The following LCE3E variants were observed in gnomAD, a reference collection of about 807,000 sequenced individuals.
The protein encoded by LCE3E is late cornified envelope protein 3E.
For synonymous variants in LCE3E, 40 were observed against 47.0 expected, an observed-to-expected ratio of 0.85 and a Z score of 0.61; for missense variants, 133 against 120.0, an observed-to-expected ratio of 1.11 and a Z score of -0.51.
chr1:152,566,477 G>A (rs1659926708), intron 1 of LCE3E, among the ~76,000 whole-genome samples: 1 of 152,034 alleles, frequency 6.6e-6, no homozygotes, highest in South Asian at 2.1e-4. Context: ...GAATTCTGTA[G>A]AATGGATGTT....
In LCE3E at chr1:152,565,676, C is replaced by CT; in HGVS notation, c.*253dup. The CT allele has an allele frequency of 1.8e-6, 1 of 571,402 alleles. No individual in the cohort carries two copies. The highest frequency in any genetic ancestry group is 3.1e-6 in the Non-Finnish European group (1 of 325,550). The allele number at this position is 571,402 out of a possible 1,614,324, so 35.4% of individuals were successfully genotyped here. A position where few individuals can be genotyped will look rare whatever the true frequency, so the allele number is the denominator to read the frequency against. On this transcript the variant is annotated 3_prime_UTR_variant, in exon 2 of 2. Coordinates refer to ENST00000368789, the MANE Select transcript of LCE3E (RefSeq NM_178435.4). Reference sequence around the variant, plus strand: ...TGGTAATGAGGACAAGGAACTTTATCTTTTTTACGAGGTTGGGCACAAGCA... The same window carrying CT: ...TGGTAATGAGGACAAGGAACTTTATCTTTTTTTACGAGGTTGGGCACAAGCA...
intron 1 of LCE3E, 123 bp from the exon 2 acceptor site, chr1:152,566,352 G>A (rs1659923126): frequency 9.9e-7 from 1 of 1,007,792 alleles, no homozygotes; most frequent in South Asian, 1.7e-5. Context: ...GGTGGGATAT[G>A]CCAGATACTT....
Position 152,565,654 on chromosome 1 carries a change from TA to T in LCE3E, c.*275del, listed in dbSNP as rs1409319858. ...GAAATGCCCAGTGGGACGCTGGTGG[TA>T]ATGAGGACAAGGAACTTTATCTTTT... On this transcript the variant is annotated 3_prime_UTR_variant, in exon 2 of 2. Transcript: ENST00000368789. 2.0e-6 allele frequency: 1 copy of T among 505,554 alleles called. No individual in the cohort carries two copies. Among genetic ancestry groups the T allele is most frequent in the East Asian group, 3.4e-5 (1 of 29,032 alleles). The allele number at this position is 505,554 out of a possible 1,614,324, so 31.3% of individuals were successfully genotyped here.
chr1:152,565,928 G>A lies in LCE3E; in HGVS notation c.*2C>T. 1 of 1,613,040 alleles carries A rather than the reference G, an allele frequency of 6.2e-7. No homozygotes were observed. The highest frequency in any genetic ancestry group is 1.7e-5 in the Admixed American group (1 of 59,436). ...TCGCTTGTCTCAGCATCAGGATCTG[G>A]ATCAGCAGCAGCCCCCAGAACCGTG... is the stretch of plus-strand genomic sequence containing the variant. On this transcript the variant is annotated 3_prime_UTR_variant, in exon 2 of 2. Transcript: ENST00000368789.
rs1471138030 is a variant in LCE3E at position 152,565,847 on chromosome 1, G to A, written c.*83C>T. On this transcript the variant is annotated 3_prime_UTR_variant, in exon 2 of 2. Transcript: ENST00000368789. ...AAGTCAGAAGAGGGTATATGGGAAG[G>A]CATGCGTCAGATGGGGCTGTTCTTG... 7 of 1,546,910 alleles carry A rather than the reference G, an allele frequency of 4.5e-6. No homozygotes were observed. Among genetic ancestry groups the A allele is most frequent in the African/African-American group, 2.7e-5 (2 of 73,130 alleles).
chr1:152,565,962 C>A lies in LCE3E; in HGVS notation c.247G>T (p.Gly83Cys), dbSNP rs753276595. The A allele has an allele frequency of 1.2e-6, 2 of 1,613,772 alleles. No homozygotes were observed. The highest frequency in any genetic ancestry group is 1.7e-6 in the Non-Finnish European group (2 of 1,180,004). Residue 83 changes from glycine to cysteine, a missense_variant, in exon 2 of 2, where the codon GGC becomes TGC. Physicochemically the swap from Gly to Cys is radical, Grantham distance 159. Transcript: ENST00000368789. ...CAGCCCCCAGAACCGTGGCAGCAGC[C>A]AGAGCCCCCGCCTTGCTGACCACTG... is the stretch of plus-strand genomic sequence containing the variant. ...RGSGQQGGGSGCCHGSGGCC is the reference protein window; with the variant it reads ...RGSGQQGGGSCCCHGSGGCC
At chr1:152,566,302 G>A in intron 1 of LCE3E, 73 bp from the exon 2 acceptor site, 1 of 1,453,656 alleles carries the variant, frequency 6.9e-7, no homozygotes, top group Non-Finnish European at 9.3e-7. Flanking sequence ...GCCTCCTGAG[G>A]CAAGAGCTGC....
Position 152,566,249 on chromosome 1 carries a change from T to A in LCE3E, c.-21-20A>T. 2 of 1,606,412 alleles carry A rather than the reference T, an allele frequency of 1.2e-6. No individual in the cohort carries two copies. Among genetic ancestry groups the A allele is most frequent in the Non-Finnish European group, 1.7e-6 (2 of 1,177,158 alleles). On this transcript the variant is annotated intron_variant, in intron 1 of 1. Coordinates refer to ENST00000368789, the MANE Select transcript of LCE3E (RefSeq NM_178435.4). ...GATGTCCTGGAGAAAACGAAGCCAC[T>A]TCTTAGTTCAAAATCTACAGTCCAA...
At chr1:152,566,614 G>A in intron 1 of LCE3E, 124 bp downstream of exon 1, 1 of 226,026 alleles carries the variant, frequency 4.4e-6, no homozygotes, top group Non-Finnish European at 8.7e-6. Flanking sequence ...CCCCATTGCT[G>A]CCCTCTCACA....
At chr1:152,566,342 G>A in intron 1 of LCE3E, 113 bp from the exon 2 acceptor site, 1 of 1,115,494 alleles carries the variant, frequency 9.0e-7, no homozygotes, top group South Asian at 1.6e-5. Flanking sequence ...ATGTGGAGCT[G>A]GTGGGATATG....
Position 152,565,842 on chromosome 1 carries a change from G to A in LCE3E, c.*88C>T. The A allele has an allele frequency of 1.3e-6, 2 of 1,541,932 alleles. No homozygotes were observed. Among genetic ancestry groups the A allele is most frequent in the Non-Finnish European group, 1.8e-6 (2 of 1,140,270 alleles). ...TGTGAAAGTCAGAAGAGGGTATATG[G>A]GAAGGCATGCGTCAGATGGGGCTGT... On this transcript the variant is annotated 3_prime_UTR_variant, in exon 2 of 2. Coordinates refer to ENST00000368789, the MANE Select transcript of LCE3E (RefSeq NM_178435.4).
At chr1:152,566,262 A>T in intron 1 of LCE3E, 33 bp from the exon 2 acceptor site, 1 of 1,598,972 alleles carries the variant, frequency 6.3e-7, no homozygotes, top group Non-Finnish European at 8.5e-7. Flanking sequence ...TTAGTTCAAA[A>T]TCTACAGTCC....
In LCE3E at chr1:152,565,819, T is replaced by C; in HGVS notation, c.*111A>G. The C allele has an allele frequency of 6.8e-7, 1 of 1,476,636 alleles. No individual in the cohort carries two copies. Among genetic ancestry groups the C allele is most frequent in the Non-Finnish European group, 9.1e-7 (1 of 1,096,098 alleles). 91.5% of individuals were successfully genotyped at this position (1,476,636 alleles called of 1,614,324 possible). A position where few individuals can be genotyped will look rare whatever the true frequency, so the allele number is the denominator to read the frequency against. ...ACAGGAAAACCTCCAGCTCAGCCTG[T>C]GAAAGTCAGAAGAGGGTATATGGGA... On this transcript the variant is annotated 3_prime_UTR_variant, in exon 2 of 2. Coordinates refer to ENST00000368789, the MANE Select transcript of LCE3E (RefSeq NM_178435.4).
Position 152,566,135 on chromosome 1 carries a change from T to C in LCE3E, c.74A>G (p.Asn25Ser), listed in dbSNP as rs201986198. 4.3e-4 allele frequency: 688 copies of C among 1,613,700 alleles called. 5 individuals are homozygous for C. In the East Asian group the frequency reaches 0.011, roughly 27 times the overall value. Residue 25 changes from asparagine to serine, a missense_variant, in exon 2 of 2, where the codon AAC becomes AGC. Coordinates refer to ENST00000368789, the MANE Select transcript of LCE3E (RefSeq NM_178435.4). The stretch of plus-strand genomic sequence containing the variant: ...AGCTGGAGGCAGACACTGTACTGGG[T>C]TCTTTGGGGGACACTTGGGTGAGGG... ...KCPSPKCPPK[N>S]PVQCLPPASS... is the part of the protein sequence containing the mutation.
chr1:152,566,064 C>A lies in LCE3E; in HGVS notation c.145G>T (p.Glu49Ter). 1 of 1,613,732 alleles carries A rather than the reference C, an allele frequency of 6.2e-7. No homozygotes were observed. Among genetic ancestry groups the A allele is most frequent in the African/African-American group, 1.3e-5 (1 of 75,006 alleles). Residue 49 changes from glutamate (E) to a stop codon, truncating the protein, a stop_gained, in exon 2 of 2, where the codon GAG (glutamate) becomes TAG (stop). Coordinates refer to ENST00000368789, the MANE Select transcript of LCE3E (RefSeq NM_178435.4). LOFTEE classifies it low-confidence loss of function (END_TRUNC). Reference protein sequence around the residue: ...PSSGGCGPSSEGGCFLNHHRR... With the variant: ...PSSGGCGPSS ...TGGTGGTTCAGGAAGCAGCCGCCCT[C>A]GGAGCTAGGGCCACAGCCCCCAGAG...
chr1:152,565,865 T>C lies in LCE3E; in HGVS notation c.*65A>G. ...TGGGAAGGCATGCGTCAGATGGGGC[T>C]GTTCTTGGCCTCTTGGGATTCTTGT... is the stretch of plus-strand genomic sequence containing the variant. On this transcript the variant is annotated 3_prime_UTR_variant, in exon 2 of 2. Transcript: ENST00000368789. 1 of 1,581,848 alleles carries C rather than the reference T, an allele frequency of 6.3e-7. No homozygotes were observed. Among genetic ancestry groups the C allele is most frequent in the African/African-American group, 1.3e-5 (1 of 74,196 alleles).
chr1:152,566,287 C>G, intron 1 of LCE3E, 58 bp from the exon 2 acceptor site: 1 of 1,543,978 alleles, frequency 6.5e-7, no homozygotes, highest in Admixed American at 2.0e-5. Context: ...TCTCTAAGAC[C>G]AGCTGCCTCC....
intron 1 of LCE3E, 80 bp from the exon 2 acceptor site, chr1:152,566,309 C>A: frequency 6.9e-7 from 1 of 1,442,114 alleles, no homozygotes. Flanking sequence ...GAGGCAAGAG[C>A]TGCAAGAGGG....
chr1:152,566,276 G>T lies in LCE3E; in HGVS notation c.-21-47C>A, dbSNP rs370520155. 8 of 1,576,158 alleles carry T rather than the reference G, an allele frequency of 5.1e-6. No individual in the cohort carries two copies. In the Admixed American group the frequency reaches 1.5e-4, roughly 29 times the overall value. On this transcript the variant is annotated intron_variant, in intron 1 of 1. Transcript: ENST00000368789. Reference sequence around the variant, plus strand: ...CTTAGTTCAAAATCTACAGTCCAACGTCTCTAAGACCAGCTGCCTCCTGAG... The same window carrying T: ...CTTAGTTCAAAATCTACAGTCCAACTTCTCTAAGACCAGCTGCCTCCTGAG...
Sources: allele counts gnomAD v4.1 joint callset (sites outside exome capture counted in the v4.1 genomes callset), GRCh38; gene constraint gnomAD v4.1.1; transcripts MANE v1.5; gene names NCBI Gene and HGNC (gene_info 2026-07-23, HGNC 2026-07-21).